Variants in RRAS2 observed in about 807,000 individuals in gnomAD.
The protein encoded by RRAS2 is ras-related protein R-Ras2.
In RRAS2, 7 loss-of-function variants were observed where a neutral mutation model predicts 27.6. The ratio of observed to expected loss-of-function variants is 0.25; its 90% CI spans 0.14 to 0.48. The LOEUF (loss-of-function observed/expected upper bound fraction) is 0.48, where lower values mean the gene tolerates loss of function less well. Among genes scored for constraint, RRAS2 ranks in the 20% least tolerant of loss-of-function variants. The pLI, the probability that RRAS2 is intolerant of heterozygous loss-of-function variation, is 0.99. For missense variants in RRAS2, 178 were observed against 256.2 expected (o/e 0.69, Z 2.08); for synonymous variants, 86 against 90.9 (o/e 0.95, Z 0.31).
chr11:14,307,610 T>A (rs1400319536), intron 1 of RRAS2, among the ~76,000 whole-genome samples: 1 of 152,072 alleles, frequency 6.6e-6, no homozygotes, highest in Non-Finnish European at 1.5e-5. Flanking sequence ...GGAACTGGGA[T>A]TCCAATCAGG....
rs1847696184 is a variant in RRAS2 at position 14,301,294 on chromosome 11, A to G, written c.109-5439T>C. 3.3e-5 allele frequency among the ~76,000 whole-genome samples: 5 copies of G among 152,340 alleles called. No individual in the cohort carries two copies. The South Asian group carries it at 1.0e-3, about 32-fold the overall frequency. ...TTTTTTCTAAATCTGGTGGTAGCAC[A>G]TAAGGAAAGAGACAGTGATCCTTTT... On this transcript the variant is annotated intron_variant, in intron 1 of 5. Coordinates refer to ENST00000256196, the MANE Select transcript of RRAS2 (RefSeq NM_012250.6).
chr11:14,282,092 G>T (rs1554944409), intron 4 of RRAS2, among the ~76,000 whole-genome samples: 1 of 152,190 alleles, frequency 6.6e-6, no homozygotes, highest in African/African-American at 2.4e-5. Flanking sequence ...GAAGATAACA[G>T]AGTATGGAGT....
At chr11:14,347,833 A>G (rs1352830045) in intron 1 of RRAS2, among the ~76,000 whole-genome samples, 1 of 149,534 alleles carries the variant, frequency 6.7e-6, no homozygotes, top group Non-Finnish European at 1.5e-5. Context: ...AAAATTTTTA[A>G]AAGAATATAA....
rs1554943954 is a variant in RRAS2 at position 14,279,340 on chromosome 11, G to GA, written c.611dup (p.Ter205LeufsTer7). On this transcript the variant is annotated frameshift_variant, in exon 6 of 6. Transcript: ENST00000256196. LOFTEE classifies it high-confidence loss of function. ...GGTAGCTAAAACTGAAGGGATTCTA[G>GA]AAAATGACACAATGGCAGCCTTTCT... The GA allele has an allele frequency of 6.2e-7, 1 of 1,604,462 alleles. No individual in the cohort carries two copies. Among genetic ancestry groups the GA allele is most frequent in the Non-Finnish European group, 8.5e-7 (1 of 1,171,376 alleles).
chr11:14,298,754 C>T (rs1329276591), intron 1 of RRAS2, among the ~76,000 whole-genome samples: 2 of 149,890 alleles, frequency 1.3e-5, no homozygotes, highest in African/African-American at 4.9e-5. Flanking sequence ...TCCAACGAAA[C>T]ATCACTCTGG....
intron 1 of RRAS2, among the ~76,000 whole-genome samples, chr11:14,311,315 C>G (rs781837550): frequency 6.6e-6 from 1 of 152,064 alleles, no homozygotes; most frequent in Non-Finnish European, 1.5e-5. Context: ...CCACTGCACT[C>G]CAGCTTGGGC....
chr11:14,341,026 G>A (rs533838927), intron 1 of RRAS2, among the ~76,000 whole-genome samples: 5 of 152,184 alleles, frequency 3.3e-5, no homozygotes, highest in East Asian at 3.9e-4. Context: ...CAATGACCAC[G>A]GCATTTTTTC....
intron 1 of RRAS2, among the ~76,000 whole-genome samples, chr11:14,352,963 T>G (rs563863662): frequency 6.6e-6 from 1 of 152,122 alleles, no homozygotes; most frequent in Non-Finnish European, 1.5e-5. Context: ...CACACCCAGC[T>G]AATTTTTGTA....
At chr11:14,304,513 C>T (rs905374439) in intron 1 of RRAS2, among the ~76,000 whole-genome samples, 3 of 152,164 alleles carry the variant, frequency 2.0e-5, no homozygotes, top group Non-Finnish European at 4.4e-5. Flanking sequence ...TCAAAAGAAG[C>T]TAAAATGAAT....
At position 14,281,622 on chromosome 11, in the gene RRAS2, A is replaced by C; in HGVS notation, c.507T>G (p.His169Gln). Residue 169 changes from histidine to glutamine, a missense_variant, in exon 5 of 6, where the codon CAT (histidine) becomes CAG (glutamine). Transcript: ENST00000256196. ...CTTACCTGATAACCCGGACAAGTTC[A>C]TGGAAAGCTTGATCTACATTCATCC... ...KIRMNVDQAF[H>Q]ELVRVIRKFQ... 6.2e-7 allele frequency: 1 copy of C among 1,600,544 alleles called. No homozygotes were observed. Among genetic ancestry groups the C allele is most frequent in the Non-Finnish European group, 8.5e-7 (1 of 1,175,540 alleles).
At chr11:14,356,655 TTATG>T in intron 1 of RRAS2, 1 of 392,024 alleles carries the variant, frequency 2.6e-6, no homozygotes, top group Non-Finnish European at 4.9e-6. Flanking sequence ...TTCATACTCT[TTATG>T]TACACATATG....
intron 1 of RRAS2, among the ~76,000 whole-genome samples, chr11:14,348,070 A>C (rs1382916105): frequency 6.6e-6 from 1 of 152,176 alleles, no homozygotes; most frequent in Non-Finnish European, 1.5e-5. Context: ...AAAATTAAGA[A>C]GATATATTTT....
At chr11:14,297,763 C>A (rs1407101998) in intron 1 of RRAS2, among the ~76,000 whole-genome samples, 4 of 152,082 alleles carry the variant, frequency 2.6e-5, no homozygotes, top group African/African-American at 9.7e-5. Context: ...CACCCTGTCT[C>A]TTAAAAAAAT....
upstream of RRAS2, among the ~76,000 whole-genome samples, chr11:14,361,191 G>A (rs1849187118): frequency 6.6e-6 from 1 of 152,198 alleles, no homozygotes; most frequent in Non-Finnish European, 1.5e-5. Context: ...GGAGGCTGAG[G>A]TGGGAGAATT....
At chr11:14,343,363 A>C (rs1399786705) in intron 1 of RRAS2, among the ~76,000 whole-genome samples, 1 of 152,256 alleles carries the variant, frequency 6.6e-6, no homozygotes, top group Non-Finnish European at 1.5e-5. Flanking sequence ...AATAGTAAGG[A>C]AATAACCCAA....
intron 1 of RRAS2, among the ~76,000 whole-genome samples, chr11:14,346,294 G>GA (rs1296239269): frequency 2.6e-5 from 4 of 152,222 alleles, no homozygotes; most frequent in African/African-American, 7.2e-5. Flanking sequence ...GAAGATAACT[G>GA]AAAAAAATGA....
At chr11:14,314,017 T>C (rs1591464965) in intron 1 of RRAS2, among the ~76,000 whole-genome samples, 1 of 152,224 alleles carries the variant, frequency 6.6e-6, no homozygotes, top group African/African-American at 2.4e-5. Context: ...ATCTTCATTG[T>C]AGAAAATCTG....
chr11:14,339,652 T>G (rs1167596190), intron 1 of RRAS2, among the ~76,000 whole-genome samples: 1 of 152,004 alleles, frequency 6.6e-6, no homozygotes, highest in Non-Finnish European at 1.5e-5. Flanking sequence ...ACTACTAAAG[T>G]TAAAAAGAAA....
chr11:14,317,644 GA>G (rs1554949717), intron 1 of RRAS2, among the ~76,000 whole-genome samples: 1 of 152,188 alleles, frequency 6.6e-6, no homozygotes, highest in East Asian at 1.9e-4. Flanking sequence ...AATTATTTGG[GA>G]AACAAAATTC....
Sources: allele counts gnomAD v4.1 joint callset (sites outside exome capture counted in the v4.1 genomes callset), GRCh38; gene constraint gnomAD v4.1.1; transcripts MANE v1.5; gene names NCBI Gene and HGNC (gene_info 2026-07-23, HGNC 2026-07-21).